ATRNL1: variants seen among roughly 807,000 people sequenced by gnomAD.
The protein encoded by ATRNL1 is attractin like 1.
Under a neutral mutation model 182.7 loss-of-function variants are expected in ATRNL1, and 95 were observed. The ratio of observed to expected loss-of-function variants is 0.52; its 90% CI spans 0.44 to 0.62. The LOEUF (loss-of-function observed/expected upper bound fraction) is 0.62. Among genes scored for constraint, ATRNL1 ranks in the 20% least tolerant of loss-of-function variants. The pLI is 0.00. For synonymous variants in ATRNL1, 576 were observed against 568.3 expected (o/e 1.01, Z -0.19); for missense variants, 1,471 against 1,679.5 (o/e 0.88, Z 2.17).
At chr10:115,905,632 AAC>A (rs1372802147) in intron 28 of ATRNL1, among the ~76,000 whole-genome samples, 1 of 152,210 alleles carries the variant, frequency 6.6e-6, no homozygotes, top group East Asian at 1.9e-4. Context: ...ATAAGAGGTT[AAC>A]TAGACCCTAT....
rs1403043560 is a variant in ATRNL1, at chr10:115,945,643, G to C, written c.*864G>C. On this transcript the variant is annotated 3_prime_UTR_variant, in exon 29 of 29. Coordinates refer to ENST00000355044, the MANE Select transcript of ATRNL1 (RefSeq NM_207303.4). ...TAATTGCCTAAGAATCATTGGATCA[G>C]ACCTAAATGATCCATCTGCATTTTT... 1.3e-5 allele frequency: 2 copies of C among 152,182 alleles called. No homozygotes were observed. The highest frequency in any genetic ancestry group is 2.4e-5 in the African/African-American group (1 of 41,442). 9.4% of individuals were successfully genotyped at this position (152,182 alleles called of 1,614,324 possible).
At chr10:115,225,226 T>G (rs1849641614) in intron 9 of ATRNL1, among the ~76,000 whole-genome samples, 1 of 151,794 alleles carries the variant, frequency 6.6e-6, no homozygotes, top group East Asian at 1.9e-4. Context: ...GTCTATAATC[T>G]TGAAAGATGC....
At chr10:115,570,944 T>C (rs1211574859) in intron 26 of ATRNL1, among the ~76,000 whole-genome samples, 2 of 152,140 alleles carry the variant, frequency 1.3e-5, no homozygotes. Flanking sequence ...AACCCAAGCA[T>C]AGGGTTTATT....
At chr10:115,925,831 C>T (rs1953214079) in intron 28 of ATRNL1, among the ~76,000 whole-genome samples, 1 of 152,102 alleles carries the variant, frequency 6.6e-6, no homozygotes, top group Non-Finnish European at 1.5e-5. Context: ...TTTTAACACA[C>T]TTTCAATATT....
intron 17 of ATRNL1, among the ~76,000 whole-genome samples, chr10:115,307,527 G>A (rs1441491549): frequency 2.0e-5 from 3 of 152,150 alleles, no homozygotes; most frequent in Non-Finnish European, 4.4e-5. Flanking sequence ...CTCCCAACAT[G>A]CTGGGATTAC....
chr10:115,504,249 A>G (rs1554980740), intron 24 of ATRNL1, among the ~76,000 whole-genome samples: 1 of 152,070 alleles, frequency 6.6e-6, no homozygotes, highest in South Asian at 2.1e-4. Flanking sequence ...ATTGTACCTG[A>G]GACAGTAAAA....
At chr10:115,808,421 C>G (rs1949971139) in intron 27 of ATRNL1, among the ~76,000 whole-genome samples, 1 of 152,004 alleles carries the variant, frequency 6.6e-6, no homozygotes, top group African/African-American at 2.4e-5. Flanking sequence ...TTCGTTCATT[C>G]ATCAGTTTAT....
intron 25 of ATRNL1, among the ~76,000 whole-genome samples, chr10:115,524,444 G>A (rs1851108806): frequency 1.3e-5 from 2 of 152,128 alleles, no homozygotes; most frequent in South Asian, 4.1e-4. Flanking sequence ...AAAAGTAGAT[G>A]TATCTGAGTC....
intron 26 of ATRNL1, among the ~76,000 whole-genome samples, chr10:115,710,497 G>A (rs1414913711): frequency 6.6e-6 from 1 of 152,086 alleles, no homozygotes; most frequent in Admixed American, 6.6e-5. Context: ...AGTAATTATA[G>A]GAAAGTAGAA....
intron 27 of ATRNL1, among the ~76,000 whole-genome samples, chr10:115,762,520 A>C (rs1159430423): frequency 1.3e-5 from 2 of 152,312 alleles, no homozygotes; most frequent in Admixed American, 1.3e-4. Flanking sequence ...GTATTTAAAA[A>C]ATAATCAGTA....
intron 18 of ATRNL1, among the ~76,000 whole-genome samples, chr10:115,323,943 A>G (rs1428406200): frequency 2.0e-5 from 3 of 151,012 alleles, no homozygotes; most frequent in African/African-American, 4.9e-5. Flanking sequence ...ACGCCTGGCT[A>G]ATTTTTTGTA....
intron 20 of ATRNL1, among the ~76,000 whole-genome samples, chr10:115,422,980 A>G (rs1311441899): frequency 6.6e-6 from 1 of 152,208 alleles, no homozygotes; most frequent in African/African-American, 2.4e-5. Flanking sequence ...CACACAATTT[A>G]CCTATGTAAC....
At chr10:115,838,803 A>T (rs2134331756) in intron 27 of ATRNL1, among the ~76,000 whole-genome samples, 1 of 152,034 alleles carries the variant, frequency 6.6e-6, no homozygotes, top group Non-Finnish European at 1.5e-5. Flanking sequence ...ATTTTTTTTA[A>T]TACCCTAAAA....
At chr10:115,921,209 G>A (rs782730131) in intron 28 of ATRNL1, among the ~76,000 whole-genome samples, 2 of 152,136 alleles carry the variant, frequency 1.3e-5, no homozygotes, top group African/African-American at 4.8e-5. Context: ...GAAAGTAAAG[G>A]AAGCTAGGGA....
intron 19 of ATRNL1, among the ~76,000 whole-genome samples, 193 bp downstream of exon 19, chr10:115,334,612 C>A (rs1399364442): frequency 1.3e-5 from 2 of 152,020 alleles, no homozygotes; most frequent in African/African-American, 4.8e-5. Flanking sequence ...AAAAATATTC[C>A]TTTTTCTTAT....
intron 28 of ATRNL1, among the ~76,000 whole-genome samples, chr10:115,926,235 A>C (rs1307556215): frequency 6.6e-6 from 1 of 152,188 alleles, no homozygotes; most frequent in Non-Finnish European, 1.5e-5. Context: ...ATCATACCAG[A>C]ATCTCTGAGA....
At chr10:115,639,053 T>C (rs985947240) in intron 26 of ATRNL1, among the ~76,000 whole-genome samples, 1 of 152,110 alleles carries the variant, frequency 6.6e-6, no homozygotes, top group Admixed American at 6.5e-5. Context: ...AGAAGACAAT[T>C]GAACACCAAA....
chr10:115,109,014 T>A (rs1478941905), intron 1 of ATRNL1, among the ~76,000 whole-genome samples: 2 of 152,124 alleles, frequency 1.3e-5, no homozygotes, highest in Non-Finnish European at 2.9e-5. Flanking sequence ...GAGTTCCCTT[T>A]ACTCTCCACA....
chr10:115,728,897 T>G (rs137867601), intron 27 of ATRNL1, among the ~76,000 whole-genome samples: 5 of 152,214 alleles, frequency 3.3e-5, no homozygotes, highest in Non-Finnish European at 7.4e-5. Context: ...TTTTGGTTCC[T>G]TGTTTCAAAT....
Sources: allele counts gnomAD v4.1 joint callset (sites outside exome capture counted in the v4.1 genomes callset), GRCh38; gene constraint gnomAD v4.1.1; transcripts MANE v1.5; gene names NCBI Gene and HGNC (gene_info 2026-07-23, HGNC 2026-07-21).